Variants in DCC observed in about 807,000 individuals in gnomAD.
DCC encodes the protein netrin receptor DCC.
Under a neutral mutation model 172.5 loss-of-function variants are expected in DCC, and 58 were observed. The observed-to-expected ratio is 0.34, with a 90% CI of 0.27 to 0.42. The LOEUF (loss-of-function observed/expected upper bound fraction) is 0.42. DCC is among the 10% of genes least tolerant of loss of function. The pLI is 1.00. For missense variants in DCC, 1,740 were observed against 1,791.0 expected (o/e 0.97, Z 0.51); for synonymous variants, 709 against 644.5 (o/e 1.10, Z -1.52).
chr18:52,690,056 G>A (rs1427581473), intron 1 of DCC, among the ~76,000 whole-genome samples: 1 of 152,158 alleles, frequency 6.6e-6, no homozygotes, highest in African/African-American at 2.4e-5. Flanking sequence ...CACAAGCTCA[G>A]TCAAGCCTTC....
chr18:53,234,929 A>C (rs1206376817), intron 12 of DCC, among the ~76,000 whole-genome samples: 1 of 152,222 alleles, frequency 6.6e-6, no homozygotes, highest in Non-Finnish European at 1.5e-5. Context: ...TATTCATTTT[A>C]TCACTTACAC....
At position 52,992,514 on chromosome 18, in the gene DCC, C is replaced by G. The variant is rs909300356; in HGVS notation, c.985+67144C>G. Among the ~76,000 whole-genome samples the G allele has an allele frequency of 1.9e-4, 29 of 152,098 alleles. 2 individuals carry two copies. The highest frequency in any genetic ancestry group is 1.8e-3 in the Admixed American group (28 of 15,276). On this transcript the variant is annotated intron_variant, in intron 5 of 28. Transcript: ENST00000442544. Reference sequence around the variant, plus strand: ...ACGTTTCTCTGGTTAATTTCTTTATCCAGTTCTTCTACGGCTATAGACTGA... The same window carrying G: ...ACGTTTCTCTGGTTAATTTCTTTATGCAGTTCTTCTACGGCTATAGACTGA...
rs765865715 is a variant in DCC, at chr18:53,157,477, T to A, written c.1383T>A (p.Thr461=). The change falls in exon 8 of 29, where the codon ACT becomes ACA. Residue 461 remains threonine, a synonymous_variant. Transcript: ENST00000442544. ...PPAEAKGNIQ[T]FTVFFSREGD... ...CAGAAGCGAAAGGGAACATTCAAAC[T>A]TTCACGGTCTTTTTCTCCAGAGAAG... 9 of 1,613,986 alleles carry A rather than the reference T, an allele frequency of 5.6e-6. No individual in the cohort carries two copies. The South Asian group carries it at 9.9e-5, about 18-fold the overall frequency.
chr18:52,455,139 C>A (rs1988419970), intron 1 of DCC, among the ~76,000 whole-genome samples: 1 of 151,928 alleles, frequency 6.6e-6, no homozygotes, highest in Non-Finnish European at 1.5e-5. Context: ...ATTTTTAAAC[C>A]TAAGATTACA....
intron 24 of DCC, among the ~76,000 whole-genome samples, chr18:53,466,333 G>A (rs2045620680): frequency 6.6e-6 from 1 of 152,116 alleles, no homozygotes; most frequent in South Asian, 2.1e-4. Flanking sequence ...TCAGTCTTGT[G>A]ATCCTTATTT....
chr18:52,873,922 T>C (rs1172119047), intron 2 of DCC, among the ~76,000 whole-genome samples: 1 of 152,216 alleles, frequency 6.6e-6, no homozygotes, highest in Non-Finnish European at 1.5e-5. Flanking sequence ...CCAGAGTGTT[T>C]TAGAAAGGAA....
At chr18:53,380,797 G>T (rs967343288) in intron 15 of DCC, among the ~76,000 whole-genome samples, 6 of 152,136 alleles carry the variant, frequency 3.9e-5, no homozygotes, top group Admixed American at 1.3e-4. Flanking sequence ...AGCTCTATGG[G>T]ATATTCTTAT....
At chr18:52,466,663 G>T (rs1366045459) in intron 1 of DCC, among the ~76,000 whole-genome samples, 1 of 152,134 alleles carries the variant, frequency 6.6e-6, no homozygotes, top group Non-Finnish European at 1.5e-5. Context: ...CAAAATAAAA[G>T]AATTCAGTGA....
intron 2 of DCC, among the ~76,000 whole-genome samples, chr18:52,844,180 A>C (rs560121757): frequency 1.1e-4 from 16 of 152,304 alleles, no homozygotes; most frequent in Admixed American, 2.0e-4. Flanking sequence ...GACTGGTCAG[A>C]TAACATCCTC....
intron 7 of DCC, among the ~76,000 whole-genome samples, chr18:53,090,723 AAAAAAAAAAAAG>A (rs2042993836): frequency 2.9e-5 from 4 of 137,864 alleles, no homozygotes; most frequent in Admixed American, 7.3e-5. Context: ...AAAAAAAAAA[AAAAAAAAAAAAG>A]AATGTATCGT....
intron 5 of DCC, among the ~76,000 whole-genome samples, chr18:52,955,434 T>C (rs2040726875): frequency 6.6e-6 from 1 of 152,104 alleles, no homozygotes; most frequent in Non-Finnish European, 1.5e-5. Flanking sequence ...TACCAGTTGA[T>C]TTATTCATTT....
chr18:52,995,844 C>CT (rs1220947586), intron 5 of DCC, among the ~76,000 whole-genome samples: 1 of 151,732 alleles, frequency 6.6e-6, no homozygotes, highest in Non-Finnish European at 1.5e-5. Flanking sequence ...ACTGAACCCC[C>CT]TTTTTGCCCT....
intron 14 of DCC, among the ~76,000 whole-genome samples, chr18:53,327,324 C>T (rs1034236096): frequency 3.3e-5 from 5 of 151,484 alleles, no homozygotes; most frequent in African/African-American, 1.2e-4. Flanking sequence ...AAAAGCAAAC[C>T]AAGATCATTA....
At chr18:52,788,874 A>G (rs147112196) in intron 2 of DCC, among the ~76,000 whole-genome samples, 1 of 152,214 alleles carries the variant, frequency 6.6e-6, no homozygotes, top group African/African-American at 2.4e-5. Flanking sequence ...CCTATGGGAG[A>G]AGAGAGTATG....
chr18:52,858,900 C>T (rs920048743), intron 2 of DCC, among the ~76,000 whole-genome samples: 1 of 152,134 alleles, frequency 6.6e-6, no homozygotes, highest in Non-Finnish European at 1.5e-5. Flanking sequence ...CAAGGACTTT[C>T]CATGATTAAA....
At chr18:53,017,769 G>A (rs1385920245) in intron 5 of DCC, among the ~76,000 whole-genome samples, 1 of 152,176 alleles carries the variant, frequency 6.6e-6, no homozygotes, top group African/African-American at 2.4e-5. Context: ...GCTAGCAGCA[G>A]TAACATCATT....
intron 9 of DCC, among the ~76,000 whole-genome samples, chr18:53,185,712 A>G (rs1274517747): frequency 1.3e-5 from 2 of 152,196 alleles, no homozygotes; most frequent in Admixed American, 1.3e-4. Context: ...AAACGAGGAT[A>G]CAAATGCAAG....
chr18:52,997,409 C>T (rs551137579), intron 5 of DCC, among the ~76,000 whole-genome samples: 9 of 152,170 alleles, frequency 5.9e-5, no homozygotes, highest in Non-Finnish European at 1.3e-4. Flanking sequence ...TCGTAGAAGG[C>T]TAAAATATGG....
At chr18:52,602,491 C>T (rs1422402755) in intron 1 of DCC, among the ~76,000 whole-genome samples, 1 of 151,654 alleles carries the variant, frequency 6.6e-6, no homozygotes, top group Non-Finnish European at 1.5e-5. Context: ...AGCAGGGGAT[C>T]AGTGACACCT....
Sources: gnomAD v4.1 joint callset for allele counts (sites outside exome capture counted in the v4.1 genomes callset) on GRCh38, gnomAD v4.1.1 for gene constraint, MANE v1.5 for transcripts, NCBI Gene and HGNC (gene_info 2026-07-23, HGNC 2026-07-21) for gene names.